Variants in LRRFIP2 observed in about 807,000 individuals in gnomAD.
LRRFIP2 encodes leucine-rich repeat flightless-interacting protein 2.
A neutral mutation model predicts 125.9 loss-of-function variants in LRRFIP2; 109 were observed. The ratio of observed to expected loss-of-function variants is 0.87; its 90% CI spans 0.74 to 1.01. The LOEUF is 1.01. Among genes scored for constraint, LRRFIP2 ranks in the 50% least tolerant of loss-of-function variants. The pLI is 0.00. For synonymous variants in LRRFIP2, 291 were observed against 293.1 expected, an observed-to-expected ratio of 0.99 and a Z score of 0.07; for missense variants, 850 against 862.3, an observed-to-expected ratio of 0.99 and a Z score of 0.18.
At chr3:37,144,275 G>A (rs1298384922) in intron 2 of LRRFIP2, among the ~76,000 whole-genome samples, 1 of 152,222 alleles carries the variant, frequency 6.6e-6, no homozygotes, top group Non-Finnish European at 1.5e-5. Flanking sequence ...TAGGCCTGGG[G>A]AATGAAACAA....
At chr3:37,132,105 C>G (rs763129363) in intron 2 of LRRFIP2, among the ~76,000 whole-genome samples, 114 of 152,226 alleles carry the variant, frequency 7.5e-4, no homozygotes, top group Non-Finnish European at 1.2e-3. Flanking sequence ...TTCTTCACCC[C>G]TCTATGAGTA....
At chr3:37,100,527 A>G (rs1404941755) in intron 15 of LRRFIP2, among the ~76,000 whole-genome samples, 1 of 150,958 alleles carries the variant, frequency 6.6e-6, no homozygotes, top group African/African-American at 2.5e-5. Context: ...CCAGATTTGT[A>G]AATCCCTGTT....
intron 16 of LRRFIP2, 22 bp downstream of exon 16, chr3:37,096,594 C>T: frequency 6.8e-7 from 1 of 1,470,588 alleles, no homozygotes; most frequent in Non-Finnish European, 9.4e-7. Flanking sequence ...TGAGAATTTC[C>T]CTTAGGAATT....
chr3:37,167,057 C>T (rs1360282274), intron 1 of LRRFIP2, among the ~76,000 whole-genome samples: 1 of 151,218 alleles, frequency 6.6e-6, no homozygotes, highest in Non-Finnish European at 1.5e-5. Context: ...ATCAGCTGAA[C>T]ATGGTGGTAC....
intron 4 of LRRFIP2, among the ~76,000 whole-genome samples, chr3:37,124,011 A>C (rs1348958145): frequency 1.3e-5 from 2 of 152,238 alleles, no homozygotes; most frequent in African/African-American, 4.8e-5. Flanking sequence ...AAACTACAGA[A>C]TAAAATATAA....
At chr3:37,136,682 T>C (rs933855226) in intron 2 of LRRFIP2, among the ~76,000 whole-genome samples, 21 of 152,066 alleles carry the variant, frequency 1.4e-4, no homozygotes, top group Admixed American at 7.9e-4. Flanking sequence ...ATATATAGTA[T>C]TTCTCAGACT....
rs1231247953 is a variant in LRRFIP2, at chr3:37,075,062, G to C, written c.1333C>G (p.Leu445Val). The C allele has an allele frequency of 1.2e-6, 2 of 1,612,678 alleles. No homozygotes were observed. The highest frequency in any genetic ancestry group is 4.5e-5 in the East Asian group (2 of 44,824). Residue 445 changes from leucine (L) to valine (V), a missense_variant, in exon 20 of 28, where the codon CTT becomes GTT. Transcript: ENST00000336686. ...CSVLQHKMEE[L>V]KEGLRQRDEL... ...TCTCTTTGCCGCAGGCCTTCTTTAAGTTCTTCCATCTTATGCTGCAGCACA... is the reference window on the plus strand; with the variant it reads ...TCTCTTTGCCGCAGGCCTTCTTTAACTTCTTCCATCTTATGCTGCAGCACA...
At chr3:37,122,803 T>G (rs761496263) in intron 4 of LRRFIP2, among the ~76,000 whole-genome samples, 4 of 152,236 alleles carry the variant, frequency 2.6e-5, no homozygotes, top group Non-Finnish European at 4.4e-5. Context: ...AATGTAATTC[T>G]AAACTTTTCC....
intron 19 of LRRFIP2, 124 bp from the exon 20 acceptor site, chr3:37,075,240 A>G (rs1318230743): frequency 1.9e-6 from 1 of 516,620 alleles, no homozygotes; most frequent in African/African-American, 1.9e-5. Flanking sequence ...GATTCATAGT[A>G]ACTTAGAAAA....
At chr3:37,098,096 G>A (rs1038523436) in intron 15 of LRRFIP2, among the ~76,000 whole-genome samples, 6 of 130,124 alleles carry the variant, frequency 4.6e-5, no homozygotes, top group Non-Finnish European at 9.3e-5. Context: ...CCACACTTAT[G>A]TTTATAAATA....
intron 6 of LRRFIP2, among the ~76,000 whole-genome samples, chr3:37,116,164 G>T (rs1383334459): frequency 2.0e-5 from 3 of 152,020 alleles, no homozygotes; most frequent in African/African-American, 7.2e-5. Flanking sequence ...TCACTCTTTT[G>T]CCCAGGTTGG....
At chr3:37,121,751 C>A in intron 4 of LRRFIP2, 60 bp from the exon 5 acceptor site, 1 of 1,534,424 alleles carries the variant, frequency 6.5e-7, no homozygotes, top group Non-Finnish European at 9.0e-7. Flanking sequence ...TTTATCAGAA[C>A]AACTGAGCAA....
rs1438394105 is a variant in LRRFIP2 at position 37,109,584 on chromosome 3, T to A, written c.565-13A>T. 1.2e-6 allele frequency: 2 copies of A among 1,613,892 alleles called. No individual in the cohort carries two copies. The highest frequency in any genetic ancestry group is 2.7e-5 in the African/African-American group (2 of 74,874). On this transcript the variant is annotated splice_polypyrimidine_tract_variant and intron_variant, in intron 10 of 27. Transcript: ENST00000336686. The stretch of plus-strand genomic sequence containing the variant: ...CAGTAGGAGAGGCCTAAGAAAAAAG[T>A]GTATTATTAAACCCCAAAAAAAGCA...
chr3:37,098,608 G>T (rs2093856221), intron 15 of LRRFIP2, among the ~76,000 whole-genome samples: 1 of 151,836 alleles, frequency 6.6e-6, no homozygotes, highest in African/African-American at 2.4e-5. Context: ...GGCCAGGCTG[G>T]TCTCGAACTC....
intron 25 of LRRFIP2, among the ~76,000 whole-genome samples, chr3:37,058,421 C>G (rs1268804474): frequency 6.6e-6 from 1 of 152,132 alleles, no homozygotes; most frequent in Non-Finnish European, 1.5e-5. Flanking sequence ...CGCCTGTAAT[C>G]CCAGCACTCT....
intron 21 of LRRFIP2, among the ~76,000 whole-genome samples, chr3:37,068,962 A>C (rs1031984692): frequency 6.6e-6 from 1 of 152,236 alleles, no homozygotes; most frequent in African/African-American, 2.4e-5. Flanking sequence ...AATAATGGAC[A>C]TATTTCTTCA....
At chr3:37,111,163 T>C in intron 8 of LRRFIP2, 98 bp from the exon 9 acceptor site, 2 of 788,286 alleles carry the variant, frequency 2.5e-6, no homozygotes, top group Non-Finnish European at 4.2e-6. Flanking sequence ...CAAAATATGA[T>C]ATTGCCAAAT....
intron 18 of LRRFIP2, among the ~76,000 whole-genome samples, chr3:37,085,273 G>GC (rs1477455829): frequency 2.0e-5 from 3 of 152,156 alleles, no homozygotes; most frequent in Non-Finnish European, 4.4e-5. Context: ...ACTTTGGGAG[G>GC]CTGAGGCAGG....
rs1326138522 is a variant in LRRFIP2 at position 37,053,878 on chromosome 3, A to G, written c.2139T>C (p.Asn713=). 1.9e-6 allele frequency: 3 copies of G among 1,614,002 alleles called. No individual in the cohort carries two copies. Among genetic ancestry groups the G allele is most frequent in the Non-Finnish European group, 2.5e-6 (3 of 1,179,850 alleles). ...ACTGCTGGGCCAGAAGTGCTGTCCT[A>G]TTGGCCTTCATCTTCTCCAGCCGCT... ...LAKRLEKMKA[N]RTALLAQQ is the part of the protein sequence containing the mutation. The change falls in exon 28 of 28, where the codon AAT becomes AAC. Residue 713 remains asparagine, a synonymous_variant. Coordinates refer to ENST00000336686, the MANE Select transcript of LRRFIP2 (RefSeq NM_006309.4).
Sources: allele counts gnomAD v4.1 joint callset (sites outside exome capture counted in the v4.1 genomes callset), GRCh38; gene constraint gnomAD v4.1.1; transcripts MANE v1.5; gene names NCBI Gene and HGNC (gene_info 2026-07-23, HGNC 2026-07-21).